The following AGBL4 variants were observed in gnomAD, a reference collection of about 807,000 sequenced individuals.
The protein encoded by AGBL4 is cytosolic carboxypeptidase 6.
A neutral mutation model predicts 66.4 loss-of-function variants in AGBL4; 58 were observed. That is an observed-to-expected ratio of 0.87 (90% confidence interval 0.71 to 1.09). The LOEUF (loss-of-function observed/expected upper bound fraction) is 1.09, where lower values mean the gene tolerates loss of function less well. Among genes scored for constraint, AGBL4 ranks in the 50% least tolerant of loss-of-function variants. AGBL4 has a pLI of 0.00. For synonymous variants in AGBL4, 234 were observed against 222.9 expected, an observed-to-expected ratio of 1.05 and a Z score of -0.44; for missense variants, 579 against 631.0, an observed-to-expected ratio of 0.92 and a Z score of 0.88.
At chr1:49,397,125 C>T (rs1644989825) in intron 3 of AGBL4, among the ~76,000 whole-genome samples, 1 of 152,092 alleles carries the variant, frequency 6.6e-6, no homozygotes. Context: ...TCCCCTCCTG[C>T]TGTGTGGCTC....
At chr1:50,009,612 A>G (rs1186827681) in intron 1 of AGBL4, among the ~76,000 whole-genome samples, 9 of 152,056 alleles carry the variant, frequency 5.9e-5, no homozygotes, top group Admixed American at 5.9e-4. Context: ...GAACACAAGG[A>G]TGCTCACTTT....
At chr1:48,570,586 C>T (rs1377387039) in intron 11 of AGBL4, among the ~76,000 whole-genome samples, 7 of 151,982 alleles carry the variant, frequency 4.6e-5, no homozygotes, top group African/African-American at 1.2e-4. Flanking sequence ...TGCTTCATAA[C>T]GCTGCCATGA....
At chr1:49,459,162 AGT>A (rs1316455720) in intron 3 of AGBL4, among the ~76,000 whole-genome samples, 1 of 151,652 alleles carries the variant, frequency 6.6e-6, no homozygotes, top group East Asian at 1.9e-4. Flanking sequence ...CCTGTGGAAT[AGT>A]GTCAGTAGGA....
At chr1:49,903,980 T>G (rs541700858) in intron 1 of AGBL4, among the ~76,000 whole-genome samples, 1 of 152,296 alleles carries the variant, frequency 6.6e-6, no homozygotes, top group East Asian at 1.9e-4. Flanking sequence ...AAGGTAGGCA[T>G]GGTGGCAGGG....
chr1:49,699,037 C>T (rs1246379260), intron 2 of AGBL4, among the ~76,000 whole-genome samples: 1 of 152,006 alleles, frequency 6.6e-6, no homozygotes, highest in Non-Finnish European at 1.5e-5. Flanking sequence ...TGTTTTAAAG[C>T]ACCAGGGTGA....
At chr1:49,656,079 G>A (rs1196754254) in intron 3 of AGBL4, among the ~76,000 whole-genome samples, 11 of 151,946 alleles carry the variant, frequency 7.2e-5, no homozygotes, top group South Asian at 4.2e-4. Flanking sequence ...CCTGGGAGGC[G>A]GAGGTTGCAG....
intron 3 of AGBL4, among the ~76,000 whole-genome samples, chr1:49,565,744 C>T (rs1644180079): frequency 6.6e-6 from 1 of 151,940 alleles, no homozygotes; most frequent in Non-Finnish European, 1.5e-5. Flanking sequence ...ACATTTTTTC[C>T]ATTTCATCTT....
chr1:49,056,311 G>A (rs578196245), intron 4 of AGBL4, among the ~76,000 whole-genome samples: 21 of 151,952 alleles, frequency 1.4e-4, no homozygotes, highest in Non-Finnish European at 2.4e-4. Context: ...GGGAAAGAGC[G>A]ATAAACAAAC....
At chr1:49,026,107 T>C (rs1299676572) in intron 5 of AGBL4, among the ~76,000 whole-genome samples, 2 of 152,154 alleles carry the variant, frequency 1.3e-5, no homozygotes, top group Admixed American at 1.3e-4. Context: ...TTTATATCTA[T>C]ATGAGATTCT....
intron 6 of AGBL4, among the ~76,000 whole-genome samples, chr1:48,674,684 A>G (rs944230664): frequency 2.0e-5 from 3 of 152,124 alleles, no homozygotes; most frequent in Non-Finnish European, 4.4e-5. Flanking sequence ...GAATAATAAT[A>G]TTCATCTTAT....
intron 1 of AGBL4, among the ~76,000 whole-genome samples, chr1:49,945,626 T>C (rs1455290413): frequency 6.6e-6 from 1 of 151,888 alleles, no homozygotes; most frequent in Non-Finnish European, 1.5e-5. Context: ...AAAGCATAAA[T>C]CACACAGAAC....
rs572221715 is a variant in AGBL4 at position 49,257,704 on chromosome 1, C to G, written c.283-11840G>C. ...CCTGCGCCCACTGTCTGGCACTCCC[C>G]AGTGAGATGAACCCGGTACCTCAGA... On this transcript the variant is annotated intron_variant, in intron 3 of 13. Coordinates refer to ENST00000371839, the MANE Select transcript of AGBL4 (RefSeq NM_032785.4). Among the ~76,000 whole-genome samples the G allele has an allele frequency of 7.9e-5, 12 of 152,344 alleles. No homozygotes were observed. In the South Asian group the frequency reaches 1.9e-3, roughly 24 times the overall value.
intron 2 of AGBL4, among the ~76,000 whole-genome samples, chr1:49,732,314 A>G (rs1318046258): frequency 6.6e-6 from 1 of 152,228 alleles, no homozygotes; most frequent in East Asian, 1.9e-4. Context: ...AAGGTCTAGC[A>G]GAAACTGAAA....
At chr1:49,957,837 T>C (rs1656753605) in intron 1 of AGBL4, among the ~76,000 whole-genome samples, 2 of 152,156 alleles carry the variant, frequency 1.3e-5, no homozygotes, top group South Asian at 2.1e-4. Flanking sequence ...TGTCTTTTAA[T>C]TGGAGCATTT....
At chr1:49,991,019 T>C (rs1182464253) in intron 1 of AGBL4, among the ~76,000 whole-genome samples, 1 of 152,130 alleles carries the variant, frequency 6.6e-6, no homozygotes, top group African/African-American at 2.4e-5. Context: ...ACTAACAGCA[T>C]AGCACATGTG....
intron 6 of AGBL4, among the ~76,000 whole-genome samples, chr1:48,722,389 T>C (rs1448742654): frequency 2.0e-5 from 3 of 152,166 alleles, no homozygotes; most frequent in Non-Finnish European, 2.9e-5. Context: ...AGATTTCACA[T>C]TTACTGAAGG....
chr1:48,779,211 A>G (rs1000039843), intron 6 of AGBL4, among the ~76,000 whole-genome samples: 1 of 152,238 alleles, frequency 6.6e-6, no homozygotes, highest in African/African-American at 2.4e-5. Context: ...CAAGTAGCCA[A>G]TGGCCAACCT....
intron 2 of AGBL4, among the ~76,000 whole-genome samples, chr1:49,820,811 G>C (rs531851851): frequency 6.6e-6 from 1 of 152,210 alleles, no homozygotes; most frequent in East Asian, 1.9e-4. Context: ...CAGGTTTTGA[G>C]GTCCGGTAGG....
rs367658048 is a variant in AGBL4 at position 49,188,216 on chromosome 1, G to A, written c.377+57554C>T. On this transcript the variant is annotated intron_variant, in intron 4 of 13. Transcript: ENST00000371839. ...ACACCCATTTTATCAATTCATTTCT[G>A]CAGATGCTGCTCAGTATCATCTCCT... Among the ~76,000 whole-genome samples the A allele has an allele frequency of 2.0e-5, 3 of 152,136 alleles. No homozygotes were observed. In the South Asian group the frequency reaches 6.2e-4, roughly 32 times the overall value.
Sources: allele counts gnomAD v4.1 joint callset (sites outside exome capture counted in the v4.1 genomes callset), GRCh38; gene constraint gnomAD v4.1.1; transcripts MANE v1.5; gene names NCBI Gene and HGNC (gene_info 2026-07-23, HGNC 2026-07-21).